CACNA1C: variants seen among roughly 807,000 people sequenced by gnomAD.
CACNA1C encodes the protein calcium voltage-gated channel subunit alpha1 C.
A neutral mutation model predicts 229.0 loss-of-function variants in CACNA1C; 30 were observed. The ratio of observed to expected loss-of-function variants is 0.13; its 90% CI spans 0.10 to 0.18. The LOEUF is 0.18. CACNA1C is among the 10% of genes least tolerant of loss of function. CACNA1C has a pLI of 1.00. For synonymous variants in CACNA1C, 1,114 were observed against 1,132.5 expected (o/e 0.98, Z 0.33); for missense variants, 1,658 against 2,845.0 (o/e 0.58, Z 9.49).
chr12:2,340,410 T>A (rs1053093022), intron 3 of CACNA1C, among the ~76,000 whole-genome samples: 1 of 152,212 alleles, frequency 6.6e-6, no homozygotes, highest in African/African-American at 2.4e-5. Flanking sequence ...ATTATCTTTA[T>A]TAATCTGAAA....
chr12:2,417,782 A>AT (rs1220332469), intron 3 of CACNA1C, among the ~76,000 whole-genome samples: 1 of 151,930 alleles, frequency 6.6e-6, no homozygotes, highest in Non-Finnish European at 1.5e-5. Flanking sequence ...CCAGAGAGAG[A>AT]TTTTGGGCAG....
intron 32 of CACNA1C, among the ~76,000 whole-genome samples, chr12:2,652,418 G>A (rs2095088836): frequency 6.6e-6 from 1 of 152,260 alleles, no homozygotes; most frequent in African/African-American, 2.4e-5. Context: ...TTAAGGAGAA[G>A]CAAAGCGCTT....
At position 2,034,708 on chromosome 12, in the gene CACNA1C, T is replaced by C. The variant is rs1013360839; in HGVS notation, c.139+63507T>C. Among the ~76,000 whole-genome samples, 3 of 152,198 alleles carry C rather than the reference T, an allele frequency of 2.0e-5. No individual in the cohort carries two copies. The highest frequency in any genetic ancestry group is 1.5e-5 in the Non-Finnish European group (1 of 68,032). ...ATTTAAGCTCGTAGTTTCCCATTCA[T>C]GTATGTACTCACTTCTTCAAAAAAC... On this transcript the variant is annotated intron_variant, in intron 1 of 46. Coordinates refer to the CACNA1C transcript ENST00000682462. This position sits in a 1 kb window ranked among gnomAD's most constrained non-coding sequence, Gnocchi z 4.1.
chr12:2,652,957 C>A (rs911125359), intron 32 of CACNA1C, among the ~76,000 whole-genome samples: 1 of 152,244 alleles, frequency 6.6e-6, no homozygotes, highest in South Asian at 2.1e-4. Context: ...GGCCTGATGG[C>A]GGCGCAGGCG....
intron 3 of CACNA1C, among the ~76,000 whole-genome samples, chr12:2,335,016 A>C (rs1220300261): frequency 6.6e-6 from 1 of 152,148 alleles, no homozygotes; most frequent in Non-Finnish European, 1.5e-5. Context: ...CACCCATTCC[A>C]GGGACTCCCA....
intron 1 of CACNA1C, among the ~76,000 whole-genome samples, chr12:2,100,817 C>T (rs1233441458): frequency 6.6e-6 from 1 of 151,358 alleles, no homozygotes; most frequent in Admixed American, 6.6e-5. Flanking sequence ...CTTTGGGAGG[C>T]CAAGGTGGAT....
intron 3 of CACNA1C, among the ~76,000 whole-genome samples, chr12:2,323,937 G>A (rs73605749): frequency 0.015 from 2,271 of 152,286 alleles, 60 homozygotes; most frequent in African/African-American, 0.052. Context: ...TAGTGGTGGT[G>A]AGTGAAGGGC....
chr12:2,581,464 G>T, intron 13 of CACNA1C, 126 bp from the exon 14 acceptor site: 1 of 818,304 alleles, frequency 1.2e-6, no homozygotes. Flanking sequence ...CATCCCCCAC[G>T]GGCAGGGAAA....
At chr12:2,229,743 GAC>G (rs2064167399) in intron 3 of CACNA1C, among the ~76,000 whole-genome samples, 1 of 152,214 alleles carries the variant, frequency 6.6e-6, no homozygotes, top group East Asian at 1.9e-4. Flanking sequence ...TGCAGTTACA[GAC>G]ACTGACAGAC....
intron 3 of CACNA1C, among the ~76,000 whole-genome samples, chr12:2,423,699 A>T (rs866297157): frequency 2.9e-4 from 44 of 152,202 alleles, no homozygotes; most frequent in African/African-American, 9.9e-4. Context: ...CACAGTCTGT[A>T]TGTGACCCCA....
At chr12:2,686,913 C>G (rs1413216781) in intron 45 of CACNA1C, among the ~76,000 whole-genome samples, 2 of 152,190 alleles carry the variant, frequency 1.3e-5, no homozygotes, top group African/African-American at 4.8e-5. Flanking sequence ...GAGGTCTAAA[C>G]CTGGGTTTCC....
intron 1 of CACNA1C, among the ~76,000 whole-genome samples, chr12:2,019,489 AAGGGAGGG>A (rs139670456): frequency 2.3e-5 from 3 of 128,980 alleles, no homozygotes; most frequent in African/African-American, 5.7e-5. Flanking sequence ...AAAGAAAAGA[AAGGGAGGG>A]AGGGAGGGAG....
intron 3 of CACNA1C, among the ~76,000 whole-genome samples, chr12:2,159,557 AATAGCTGATT>A (rs889032393): frequency 1.6e-4 from 25 of 152,094 alleles, no homozygotes; most frequent in African/African-American, 5.5e-4. Context: ...TAGAAAAATG[AATAGCTGATT>A]ATTGGTGTTT....
In CACNA1C at chr12:2,593,424, C is replaced by T. The variant is rs77802779; in HGVS notation, c.2663+79C>T. 0.03 allele frequency: 44,488 copies of T among 1,481,872 alleles called. 828 individuals are homozygous for T. The highest frequency in any genetic ancestry group is 0.036 in the Non-Finnish European group (39,241 of 1,079,474). 91.8% of individuals were successfully genotyped at this position (1,481,872 alleles called of 1,614,324 possible). ...GCAGTTGCCTGTATTTTACCTGAAC[C>T]TCTGGATGGAGACTGAGACTCTCCC... On this transcript the variant is annotated intron_variant, in intron 19 of 46. Transcript: ENST00000399655.
rs557728817 is a variant in CACNA1C, at chr12:2,639,094, G to A, written c.3912+4714G>A. 6.6e-5 allele frequency among the ~76,000 whole-genome samples: 10 copies of A among 152,370 alleles called. 1 individual carries two copies. The highest frequency in any genetic ancestry group is 2.6e-4 in the Admixed American group (4 of 15,306). On this transcript the variant is annotated intron_variant, in intron 30 of 46. Transcript: ENST00000399655. This position sits in a 1 kb window ranked among gnomAD's most constrained non-coding sequence, Gnocchi z 4.2. Reference sequence around the variant, plus strand: ...AACTGCCAGGTGTCACAAGAGGACCGTCTTCAGGCCCCCTCGTGCGGTCAT... The same window carrying A: ...AACTGCCAGGTGTCACAAGAGGACCATCTTCAGGCCCCCTCGTGCGGTCAT...
intron 3 of CACNA1C, among the ~76,000 whole-genome samples, chr12:2,374,035 A>T (rs752098729): frequency 3.9e-5 from 6 of 152,174 alleles, no homozygotes; most frequent in Non-Finnish European, 7.4e-5. Flanking sequence ...TGGTCAAGGG[A>T]CCTGGCCCAC....
rs148128069 is a variant in CACNA1C at position 2,310,013 on chromosome 12, C to T, written c.478-138963C>T. 5.8e-3 allele frequency among the ~76,000 whole-genome samples: 884 copies of T among 152,282 alleles called. 9 individuals carry two copies. The highest frequency in any genetic ancestry group is 0.02 in the African/African-American group (829 of 41,546). On this transcript the variant is annotated intron_variant, in intron 3 of 46. Transcript: ENST00000399655. Reference sequence around the variant, plus strand: ...CCTAGTACTACCTGTAGTCAGAGACCTGGTGGCCTGGAAGTCTATAAGATC... The same window carrying T: ...CCTAGTACTACCTGTAGTCAGAGACTTGGTGGCCTGGAAGTCTATAAGATC...
chr12:2,505,910 T>G (rs1483835300), intron 8 of CACNA1C, among the ~76,000 whole-genome samples: 3 of 152,084 alleles, frequency 2.0e-5, no homozygotes, highest in African/African-American at 7.2e-5. Context: ...TGCAGAGTCT[T>G]CCCTAAATGT....
Position 2,493,103 on chromosome 12 carries a change from C to T in CACNA1C, c.917-87C>T. ...CTTTGCCCATCCCATCAACCTCATC[C>T]TGTCACTTTTCTCTCTGACTTCTTT... On this transcript the variant is annotated intron_variant, in intron 6 of 46. Coordinates refer to ENST00000399655, the MANE Select transcript of CACNA1C (RefSeq NM_000719.7). This position sits in a 1 kb window ranked among gnomAD's most constrained non-coding sequence, Gnocchi z 4.6. 1 of 1,159,720 alleles carries T rather than the reference C, an allele frequency of 8.6e-7. No individual in the cohort carries two copies. Among genetic ancestry groups the T allele is most frequent in the East Asian group, 2.4e-5 (1 of 41,162 alleles). 71.8% of individuals were successfully genotyped at this position (1,159,720 alleles called of 1,614,324 possible).
Sources: gnomAD v4.1 joint callset for allele counts (sites outside exome capture counted in the v4.1 genomes callset) on GRCh38, gnomAD v4.1.1 for gene constraint, Gnocchi (gnomAD v3.1) non-coding constraint, MANE v1.5 for transcripts, NCBI Gene and HGNC (gene_info 2026-07-23, HGNC 2026-07-21) for gene names.